MBNL2: variants seen among roughly 807,000 people sequenced by gnomAD.
The protein encoded by MBNL2 is muscleblind-like protein 2.
MBNL2 carries 17 observed loss-of-function variants against 41.9 expected under a neutral mutation model. The ratio of observed to expected loss-of-function variants is 0.41; its 90% confidence interval spans 0.28 to 0.61. The LOEUF is 0.61. Among genes scored for constraint, MBNL2 ranks in the 20% least tolerant of loss-of-function variants. The pLI, the probability that MBNL2 is intolerant of heterozygous loss-of-function variation, is 0.35. For missense variants in MBNL2, 336 were observed against 505.6 expected (o/e 0.66, Z 3.22); for synonymous variants, 195 against 182.9 (o/e 1.07, Z -0.53).
At chr13:97,165,849 C>A in the MBNL2 span, among the ~76,000 whole-genome samples, 1 of 152,206 alleles carries the variant, frequency 6.6e-6, no homozygotes, top group Non-Finnish European at 1.5e-5. Flanking sequence ...TTATATAATT[C>A]TGACTGGCCA....
chr13:97,179,847 A>T, the MBNL2 span, among the ~76,000 whole-genome samples: 6 of 152,208 alleles, frequency 3.9e-5, no homozygotes, highest in African/African-American at 1.4e-4. Flanking sequence ...AGAGAGAGTT[A>T]GGGGGTCAGT....
chr13:97,290,817 T>G (rs1427252843), intron 2 of MBNL2, among the ~76,000 whole-genome samples: 1 of 152,194 alleles, frequency 6.6e-6, no homozygotes, highest in African/African-American at 2.4e-5. Flanking sequence ...GGGGGAAGAC[T>G]TTTGCAGAAA....
chr13:97,236,462 A>G (rs1312005541), intron 1 of MBNL2, among the ~76,000 whole-genome samples: 2 of 150,482 alleles, frequency 1.3e-5, no homozygotes, highest in East Asian at 3.9e-4. Context: ...TGAGATGTAC[A>G]GATGTGTTCA....
At position 97,249,032 on chromosome 13, in the gene MBNL2, T is replaced by C. The variant is rs529772959; in HGVS notation, c.-605+26501T>C. Among the ~76,000 whole-genome samples the C allele has an allele frequency of 2.0e-5, 3 of 152,356 alleles. No homozygotes were observed. The East Asian group carries it at 5.8e-4, about 29-fold the overall frequency. On this transcript the variant is annotated intron_variant, in intron 1 of 8. Coordinates refer to ENST00000679496, the MANE Select transcript of MBNL2 (RefSeq NM_001382683.1). ...TGAGTTGAAATTATTCAAATTAATG[T>C]CAAGTTGTTTATATATTAAACTATA...
At chr13:97,264,743 G>C (rs566734202) in intron 1 of MBNL2, among the ~76,000 whole-genome samples, 2 of 152,328 alleles carry the variant, frequency 1.3e-5, no homozygotes, top group East Asian at 3.9e-4. Context: ...ATGGCCATTA[G>C]GCTGGTCACT....
chr13:97,171,033 GAGTA>G, the MBNL2 span, among the ~76,000 whole-genome samples: 1 of 152,186 alleles, frequency 6.6e-6, no homozygotes, highest in African/African-American at 2.4e-5. Context: ...GTTTTATACT[GAGTA>G]AGTAACTCAC....
the MBNL2 span, among the ~76,000 whole-genome samples, chr13:97,215,072 G>GC: frequency 1.3e-5 from 2 of 152,186 alleles, no homozygotes; most frequent in South Asian, 4.1e-4. Context: ...CATAGGCTTC[G>GC]CCCCCATCTC....
At chr13:97,185,755 A>G in the MBNL2 span, among the ~76,000 whole-genome samples, 3 of 152,250 alleles carry the variant, frequency 2.0e-5, no homozygotes, top group Non-Finnish European at 4.4e-5. Flanking sequence ...GCTGACCTCC[A>G]GAACTATAAG....
intron 2 of MBNL2, among the ~76,000 whole-genome samples, chr13:97,331,779 A>T (rs1306817032): frequency 6.6e-6 from 1 of 152,338 alleles, no homozygotes; most frequent in Admixed American, 6.5e-5. Context: ...TACTCCAAGT[A>T]TGTAAGTAAG....
intron 3 of MBNL2, among the ~76,000 whole-genome samples, chr13:97,339,308 C>A (rs898526443): frequency 1.9e-4 from 4 of 21,070 alleles, no homozygotes; most frequent in African/African-American, 7.7e-4. Context: ...CATCTTTGAA[C>A]CTGGACCTGA....
chr13:97,314,887 C>T (rs1465055764), intron 2 of MBNL2, among the ~76,000 whole-genome samples: 1 of 152,102 alleles, frequency 6.6e-6, no homozygotes, highest in African/African-American at 2.4e-5. Flanking sequence ...TCAAGCTGTT[C>T]AACTCTGGCC....
chr13:97,372,037 C>T (rs181039181), intron 8 of MBNL2, among the ~76,000 whole-genome samples: 1 of 152,192 alleles, frequency 6.6e-6, no homozygotes, highest in Admixed American at 6.5e-5. Context: ...AAAGAGTCCC[C>T]TCAGGTGTAG....
At chr13:97,342,098 A>G (rs952215338) in intron 3 of MBNL2, among the ~76,000 whole-genome samples, 1 of 152,246 alleles carries the variant, frequency 6.6e-6, no homozygotes, top group Non-Finnish European at 1.5e-5. Context: ...TCTAAGAAAA[A>G]TCTTTAGAAT....
At position 97,236,649 on chromosome 13, in the gene MBNL2, C is replaced by T. The variant is rs1256937351; in HGVS notation, c.-605+14118C>T. ...CCCACTTGGACCTCCGCTTTTTATT[C>T]ATTTCTCTCTTCTGGAACCTTCTGG... On this transcript the variant is annotated intron_variant, in intron 1 of 8. Transcript: ENST00000679496. 2.0e-5 allele frequency among the ~76,000 whole-genome samples: 3 copies of T among 151,388 alleles called. No homozygotes were observed. In the East Asian group the frequency reaches 5.8e-4, roughly 29 times the overall value.
intron 1 of MBNL2, among the ~76,000 whole-genome samples, chr13:97,247,371 A>G (rs1207521810): frequency 6.6e-6 from 1 of 152,200 alleles, no homozygotes; most frequent in Non-Finnish European, 1.5e-5. Context: ...TTAAAATGGT[A>G]TGCCACCCTG....
At chr13:97,159,037 C>T in the MBNL2 span, among the ~76,000 whole-genome samples, 1 of 150,946 alleles carries the variant, frequency 6.6e-6, no homozygotes, top group East Asian at 1.9e-4. Context: ...GTCTAAGTCT[C>T]TTTGTAGGTC....
At chr13:97,374,726 T>C (rs544634481) in intron 8 of MBNL2, among the ~76,000 whole-genome samples, 1 of 152,280 alleles carries the variant, frequency 6.6e-6, no homozygotes, top group African/African-American at 2.4e-5. Context: ...GGGGGTCTTT[T>C]ATAGGCTGAA....
chr13:97,210,179 G>C, the MBNL2 span, among the ~76,000 whole-genome samples: 1 of 152,174 alleles, frequency 6.6e-6, no homozygotes, highest in East Asian at 1.9e-4. Flanking sequence ...TTTTTTCTAA[G>C]TGTGGTCCAA....
intron 8 of MBNL2, among the ~76,000 whole-genome samples, chr13:97,379,966 A>T (rs894230218): frequency 1.3e-5 from 2 of 152,210 alleles, no homozygotes; most frequent in Non-Finnish European, 2.9e-5. Context: ...CTCCAAAGAA[A>T]GGATTAAGGA....
Sources: allele counts gnomAD v4.1 joint callset (sites outside exome capture counted in the v4.1 genomes callset), GRCh38; gene constraint gnomAD v4.1.1; transcripts MANE v1.5; gene names NCBI Gene and HGNC (gene_info 2026-07-23, HGNC 2026-07-21).